The following CNOT1 variants were observed in gnomAD, a reference collection of about 807,000 sequenced individuals.
CNOT1 encodes CCR4-associated factor 1.
Under a neutral mutation model 273.8 loss-of-function variants are expected in CNOT1, and 15 were observed. That is an observed-to-expected ratio of 0.05 (90% CI 0.04 to 0.08). The LOEUF is 0.08. Among genes scored for constraint, CNOT1 ranks in the 10% least tolerant of loss-of-function variants. The probability of loss-of-function intolerance (pLI) is 1.00; values close to 1 mark genes in which losing one functional copy is unlikely to be tolerated. For missense variants in CNOT1, 1,644 were observed against 2,912.2 expected, an observed-to-expected ratio of 0.56 and a Z score of 10.02; for synonymous variants, 1,022 against 1,005.5, an observed-to-expected ratio of 1.02 and a Z score of -0.31.
At chr16:58,592,027 C>T (rs1404186216) in intron 2 of CNOT1, among the ~76,000 whole-genome samples, 1 of 151,804 alleles carries the variant, frequency 6.6e-6, no homozygotes, top group East Asian at 1.9e-4. Flanking sequence ...GCCAAAAGCC[C>T]TTGATATACT....
intron 44 of CNOT1, chr16:58,528,160 C>T: frequency 1.9e-6 from 1 of 513,166 alleles, no homozygotes. Flanking sequence ...CAATTCTTTG[C>T]CATGTGGGGC....
At chr16:58,532,570 C>A (rs1247077413) in intron 40 of CNOT1, 175 bp from the exon 41 acceptor site, 4 of 1,126,974 alleles carry the variant, frequency 3.5e-6, no homozygotes, top group African/African-American at 3.1e-5. Flanking sequence ...GGTCTGACTC[C>A]GCCTTCAGTG....
intron 8 of CNOT1, among the ~76,000 whole-genome samples, chr16:58,584,395 A>C (rs2041765683): frequency 6.6e-6 from 1 of 151,808 alleles, no homozygotes; most frequent in African/African-American, 2.4e-5. Context: ...CAGTGGCACG[A>C]TCTTGGCTCA....
At chr16:58,536,620 T>C (rs867946046) in intron 39 of CNOT1, among the ~76,000 whole-genome samples, 1 of 124,428 alleles carries the variant, frequency 8.0e-6, no homozygotes, top group Admixed American at 7.3e-5. Flanking sequence ...CATTTTTGTT[T>C]TGTCATTTTT....
intron 40 of CNOT1, chr16:58,533,021 C>A (rs114878806): frequency 6.5e-6 from 1 of 153,040 alleles, no homozygotes; most frequent in South Asian, 2.1e-4. Flanking sequence ...GCAGGAGGCA[C>A]GTCTAGCCAC....
At chr16:58,614,616 G>C (rs1393012097) in intron 1 of CNOT1, among the ~76,000 whole-genome samples, 1 of 126,222 alleles carries the variant, frequency 7.9e-6, no homozygotes, top group African/African-American at 2.7e-5. Context: ...GGACACTTGG[G>C]AGCATGAGCC....
Position 58,582,911 on chromosome 16 carries a change from A to G in CNOT1, c.934-8T>C, listed in dbSNP as rs373033511. Reference sequence around the variant, plus strand: ...GCCCGGAGCAGAAATACTCTGTAGAAGTAAAACTTGAATTAAACAAACCCA... The same window carrying G: ...GCCCGGAGCAGAAATACTCTGTAGAGGTAAAACTTGAATTAAACAAACCCA... On this transcript the variant is annotated splice_region_variant and splice_polypyrimidine_tract_variant and intron_variant, in intron 9 of 48. Coordinates refer to ENST00000317147, the MANE Select transcript of CNOT1 (RefSeq NM_016284.5). 73 of 1,613,224 alleles carry G rather than the reference A, an allele frequency of 4.5e-5. No homozygotes were observed. Among genetic ancestry groups the G allele is most frequent in the Non-Finnish European group, 1.3e-5 (15 of 1,179,340 alleles).
intron 44 of CNOT1, chr16:58,527,897 C>T (rs2039650353): frequency 4.1e-6 from 1 of 244,924 alleles, no homozygotes; most frequent in South Asian, 4.2e-5. Context: ...AGGCAGATTA[C>T]TTGAGGTGAG....
chr16:58,542,392 A>G (rs779044126), intron 32 of CNOT1, 36 bp downstream of exon 32: 1 of 1,612,972 alleles, frequency 6.2e-7, no homozygotes. Context: ...CTAAATTAAA[A>G]AAGAAAATCT....
Position 58,537,238 on chromosome 16 carries a change from G to T in CNOT1, c.5415-18C>A, listed in dbSNP as rs1336801972. The T allele has an allele frequency of 6.4e-7, 1 of 1,560,908 alleles. No individual in the cohort carries two copies. The highest frequency in any genetic ancestry group is 1.4e-5 in the African/African-American group (1 of 73,106). ...GGGGCAATCTAGCACAATAAATAAA[G>T]GGTGAAAATCAGTCTCCTCGTAGTT... is the stretch of plus-strand genomic sequence containing the variant. On this transcript the variant is annotated intron_variant, in intron 38 of 48. Coordinates refer to ENST00000317147, the MANE Select transcript of CNOT1 (RefSeq NM_016284.5).
intron 46 of CNOT1, 69 bp downstream of exon 46, chr16:58,525,110 A>ATT: frequency 6.9e-7 from 1 of 1,449,140 alleles, no homozygotes; most frequent in Non-Finnish European, 9.6e-7. Flanking sequence ...GCATTTTTAC[A>ATT]TTTTTGTGAT....
chr16:58,627,824 C>T (rs1294478802), intron 1 of CNOT1, among the ~76,000 whole-genome samples: 1 of 151,998 alleles, frequency 6.6e-6, no homozygotes, highest in Non-Finnish European at 1.5e-5. Flanking sequence ...CATGTCTTTG[C>T]GCCTTCATTC....
chr16:58,608,353 G>A (rs959872045), intron 1 of CNOT1, among the ~76,000 whole-genome samples: 6 of 151,674 alleles, frequency 4.0e-5, no homozygotes, highest in Non-Finnish European at 8.8e-5. Flanking sequence ...TCATGAGTTC[G>A]AGACACCCTG....
intron 1 of CNOT1, among the ~76,000 whole-genome samples, chr16:58,616,397 C>T (rs1020152590): frequency 2.0e-5 from 3 of 150,980 alleles, no homozygotes; most frequent in African/African-American, 7.3e-5. Context: ...TGAGCCACCA[C>T]GCCCGGCCTA....
rs572558177 is a variant in CNOT1 at position 58,543,531 on chromosome 16, T to C, written c.4434+76A>G. On this transcript the variant is annotated intron_variant, in intron 31 of 48. Coordinates refer to ENST00000317147, the MANE Select transcript of CNOT1 (RefSeq NM_016284.5). ...ATAAGTGGTAACGCCCAGTGCCATA[T>C]ATAGACAAAGAAAAAAATTATTACA... The C allele has an allele frequency of 5.6e-6, 9 of 1,607,786 alleles. No homozygotes were observed. The Admixed American group carries it at 1.2e-4, about 21-fold the overall frequency.
chr16:58,608,815 C>A (rs113190167), intron 1 of CNOT1, among the ~76,000 whole-genome samples: 1 of 152,116 alleles, frequency 6.6e-6, no homozygotes, highest in South Asian at 2.1e-4. Flanking sequence ...GCATTCGCAG[C>A]GACCTGGATG....
At chr16:58,565,769 C>T (rs1314721922) in intron 16 of CNOT1, among the ~76,000 whole-genome samples, 3 of 152,030 alleles carry the variant, frequency 2.0e-5, no homozygotes, top group African/African-American at 7.2e-5. Flanking sequence ...CATGGCAAAA[C>T]CCCATCTCTA....
intron 16 of CNOT1, among the ~76,000 whole-genome samples, chr16:58,570,766 A>G (rs1265677316): frequency 6.6e-6 from 1 of 152,246 alleles, no homozygotes; most frequent in African/African-American, 2.4e-5. Flanking sequence ...ACCGAAACTA[A>G]AAGATTGGAG....
At chr16:58,529,901 C>G (rs1308738464) in intron 43 of CNOT1, among the ~76,000 whole-genome samples, 1 of 143,824 alleles carries the variant, frequency 7.0e-6, no homozygotes, top group Non-Finnish European at 1.5e-5. Context: ...ATTCCATCCA[C>G]AATGAGATCT....
Sources: gnomAD v4.1 joint callset for allele counts (sites outside exome capture counted in the v4.1 genomes callset) on GRCh38, gnomAD v4.1.1 for gene constraint, MANE v1.5 for transcripts, NCBI Gene and HGNC (gene_info 2026-07-23, HGNC 2026-07-21) for gene names.